Variants in FHOD3 observed in about 807,000 individuals in gnomAD.
The protein encoded by FHOD3 is FH1/FH2 domain-containing protein 3.
Under a neutral mutation model 173.0 loss-of-function variants are expected in FHOD3, and 90 were observed. That is an observed-to-expected ratio of 0.52 (90% CI 0.44 to 0.62). The LOEUF is 0.62. Ranked by LOEUF, FHOD3 falls within the 20% of genes least tolerant of loss-of-function variation. The probability of loss-of-function intolerance (pLI) is 0.00; values close to 1 mark genes in which losing one functional copy is unlikely to be tolerated. For missense variants in FHOD3, 1,945 were observed against 2,034.7 expected, an observed-to-expected ratio of 0.96 and a Z score of 0.85; for synonymous variants, 828 against 823.0, an observed-to-expected ratio of 1.01 and a Z score of -0.10.
intron 3 of FHOD3, among the ~76,000 whole-genome samples, chr18:36,459,424 G>A (rs943027572): frequency 4.6e-5 from 7 of 152,192 alleles, no homozygotes; most frequent in Admixed American, 3.3e-4. Flanking sequence ...AGAGCTGGGC[G>A]AACCGCCTCG....
intron 5 of FHOD3, among the ~76,000 whole-genome samples, chr18:36,543,712 G>T (rs919782113): frequency 2.0e-5 from 3 of 152,204 alleles, no homozygotes; most frequent in Admixed American, 2.0e-4. Flanking sequence ...AGGCCCAGTT[G>T]AGCTCCAAAA....
In FHOD3 at chr18:36,607,223, A is replaced by G. The variant is rs374943212; in HGVS notation, c.813+4455A>G. ...CTTTTAGATCTAGGTTGAGGTCACCATGGCTCCACGGCTCTTGTATTTTCC... is the reference window on the plus strand; with the variant it reads ...CTTTTAGATCTAGGTTGAGGTCACCGTGGCTCCACGGCTCTTGTATTTTCC... On this transcript the variant is annotated intron_variant, in intron 8 of 28. Transcript: ENST00000590592. Among the ~76,000 whole-genome samples the G allele has an allele frequency of 4.9e-4, 74 of 152,306 alleles. No homozygotes were observed. In the Middle Eastern group the frequency reaches 0.02, roughly 42 times the overall value.
chr18:36,681,497 G>T lies in FHOD3; in HGVS notation c.1897G>T (p.Glu633Ter). 1.4e-6 allele frequency: 2 copies of T among 1,465,846 alleles called. No homozygotes were observed. The highest frequency in any genetic ancestry group is 2.6e-5 in the South Asian group (2 of 77,166). The allele number at this position is 1,465,846 out of a possible 1,614,324, so 90.8% of individuals were successfully genotyped here. Residue 633 changes from glutamate (E) to a stop codon, truncating the protein, a stop_gained, in exon 15 of 29, where the codon GAG becomes TAG. Coordinates refer to ENST00000590592, the MANE Select transcript of FHOD3 (RefSeq NM_001281740.3). LOFTEE classifies it high-confidence loss of function. Reference protein sequence around the residue: ...FRQHQESLAAERERRRQEREE... With the variant: ...FRQHQESLAA The stretch of plus-strand genomic sequence containing the variant: ...GCAGCACCAAGAGTCACTGGCAGCA[G>T]AGAGAGAGAGGCGGCGGCAGGAGAG...
chr18:36,754,888 G>T (rs1466306513), intron 24 of FHOD3, among the ~76,000 whole-genome samples: 1 of 151,390 alleles, frequency 6.6e-6, no homozygotes, highest in Non-Finnish European at 1.5e-5. Flanking sequence ...ACTTCTGTTT[G>T]CATTTTCACT....
intron 1 of FHOD3, among the ~76,000 whole-genome samples, chr18:36,336,368 A>T (rs943110508): frequency 6.6e-6 from 1 of 152,222 alleles, no homozygotes; most frequent in Admixed American, 6.5e-5. Context: ...AAAAGCCATC[A>T]TTATAGTATG....
chr18:36,580,573 C>G (rs74866978), intron 6 of FHOD3, among the ~76,000 whole-genome samples: 2,866 of 152,344 alleles, frequency 0.019, 116 homozygotes, highest in East Asian at 0.15. Context: ...TGAAAGTTAA[C>G]AAAGGCAGTA....
chr18:36,452,552 A>G (rs2051918216), intron 3 of FHOD3, among the ~76,000 whole-genome samples: 1 of 152,152 alleles, frequency 6.6e-6, no homozygotes, highest in African/African-American at 2.4e-5. Context: ...GAACCTATTC[A>G]TCCTGCACAC....
At chr18:36,627,535 C>T (rs993846258) in intron 10 of FHOD3, among the ~76,000 whole-genome samples, 1 of 152,154 alleles carries the variant, frequency 6.6e-6, no homozygotes, top group African/African-American at 2.4e-5. Flanking sequence ...ACTCTGAATG[C>T]TGTTTGCTTC....
At chr18:36,660,609 C>T (rs1007910899) in intron 14 of FHOD3, among the ~76,000 whole-genome samples, 1 of 152,266 alleles carries the variant, frequency 6.6e-6, no homozygotes, top group African/African-American at 2.4e-5. Flanking sequence ...TTCAGGCTTG[C>T]ACGAGTGTAT....
chr18:36,420,308 A>G (rs1404300560), intron 3 of FHOD3, among the ~76,000 whole-genome samples: 1 of 152,230 alleles, frequency 6.6e-6, no homozygotes, highest in Non-Finnish European at 1.5e-5. Context: ...CATGTGGGCC[A>G]AAACTTACAA....
intron 3 of FHOD3, among the ~76,000 whole-genome samples, chr18:36,501,074 G>C (rs1375508094): frequency 6.6e-6 from 1 of 152,170 alleles, no homozygotes; most frequent in African/African-American, 2.4e-5. Context: ...GATCTCTGGA[G>C]GATGGGCCCT....
At chr18:36,450,322 G>T (rs920558931) in intron 3 of FHOD3, among the ~76,000 whole-genome samples, 2 of 152,200 alleles carry the variant, frequency 1.3e-5, no homozygotes, top group Non-Finnish European at 2.9e-5. Context: ...GGAGCTCCCT[G>T]GTGGGAAGGA....
chr18:36,774,990 A>G (rs1281340871), intron 28 of FHOD3, among the ~76,000 whole-genome samples: 1 of 152,166 alleles, frequency 6.6e-6, no homozygotes, highest in Non-Finnish European at 1.5e-5. Flanking sequence ...TTTATGTGGA[A>G]AAAAAGGAAG....
At chr18:36,358,445 A>T (rs1263356121) in intron 2 of FHOD3, among the ~76,000 whole-genome samples, 1 of 152,232 alleles carries the variant, frequency 6.6e-6, no homozygotes, top group Non-Finnish European at 1.5e-5. Context: ...TCCCCAGAGT[A>T]GATCCTGGTT....
At chr18:36,536,780 T>C (rs4799866) in intron 5 of FHOD3, among the ~76,000 whole-genome samples, 82,364 of 152,100 alleles carry the variant, frequency 0.54, 22,547 homozygotes, top group East Asian at 0.63. Context: ...GGCTGCATCA[T>C]ACCCAGCCAG....
intron 1 of FHOD3, among the ~76,000 whole-genome samples, chr18:36,333,107 C>T (rs1306295109): frequency 6.6e-6 from 1 of 152,236 alleles, no homozygotes; most frequent in African/African-American, 2.4e-5. Context: ...TTACACTGCA[C>T]CCACCAGCCT....
At chr18:36,733,981 G>A (rs969194093) in intron 20 of FHOD3, among the ~76,000 whole-genome samples, 1 of 152,146 alleles carries the variant, frequency 6.6e-6, no homozygotes, top group Non-Finnish European at 1.5e-5. Flanking sequence ...GCCCTGGAGG[G>A]GCCCTCCAGG....
rs554508137 is a variant in FHOD3, at chr18:36,403,088, C to T, written c.337+30344C>T. Among the ~76,000 whole-genome samples, 136 of 152,304 alleles carry T rather than the reference C, an allele frequency of 8.9e-4. 1 individual carries two copies. Among genetic ancestry groups the T allele is most frequent in the African/African-American group, 2.6e-3 (109 of 41,556 alleles). On this transcript the variant is annotated intron_variant, in intron 3 of 28. Transcript: ENST00000590592. Reference sequence around the variant, plus strand: ...GCAGGGTGCAGAATCCAGTGCTTCTCGGAGCTGCTCAGTGAAAATCCTCTA... The same window carrying T: ...GCAGGGTGCAGAATCCAGTGCTTCTTGGAGCTGCTCAGTGAAAATCCTCTA...
At chr18:36,552,492 T>A (rs1381764891) in intron 5 of FHOD3, among the ~76,000 whole-genome samples, 1 of 148,834 alleles carries the variant, frequency 6.7e-6, no homozygotes, top group African/African-American at 2.5e-5. Context: ...CTTTATTTCT[T>A]TTTCTTTTTC....
Sources: allele counts gnomAD v4.1 joint callset (sites outside exome capture counted in the v4.1 genomes callset), GRCh38; gene constraint gnomAD v4.1.1; transcripts MANE v1.5; gene names NCBI Gene and HGNC (gene_info 2026-07-23, HGNC 2026-07-21).